ETV6: variants seen among roughly 807,000 people sequenced by gnomAD.
The protein encoded by ETV6 is ETS variant transcription factor 6.
ETV6 carries 16 observed loss-of-function variants against 51.1 expected under a neutral mutation model. The ratio of observed to expected loss-of-function variants is 0.31; its 90% CI spans 0.21 to 0.48. The LOEUF (loss-of-function observed/expected upper bound fraction) is 0.48. ETV6 is among the 20% of genes least tolerant of loss of function. ETV6 has a pLI of 0.99. For synonymous variants in ETV6, 240 were observed against 224.1 expected (o/e 1.07, Z -0.64); for missense variants, 458 against 594.8 (o/e 0.77, Z 2.39).
chr12:11,704,474 G>A (rs1257631005), intron 1 of ETV6, among the ~76,000 whole-genome samples: 1 of 152,062 alleles, frequency 6.6e-6, no homozygotes, highest in African/African-American at 2.4e-5. Flanking sequence ...AGCCTCCCGA[G>A]CAGCTGGGAT....
intron 1 of ETV6, among the ~76,000 whole-genome samples, chr12:11,689,020 G>A (rs1187348070): frequency 6.6e-6 from 1 of 151,820 alleles, no homozygotes; most frequent in East Asian, 1.9e-4. Flanking sequence ...GCTACTTACT[G>A]CATCTATAAC....
chr12:11,841,699 C>T (rs10845412), intron 3 of ETV6, among the ~76,000 whole-genome samples: 1 of 152,172 alleles, frequency 6.6e-6, no homozygotes, highest in South Asian at 2.1e-4. Flanking sequence ...TTCTAGCTGG[C>T]TTGTCGAACA....
intron 1 of ETV6, among the ~76,000 whole-genome samples, chr12:11,739,121 T>C (rs2121011075): frequency 6.6e-6 from 1 of 152,256 alleles, no homozygotes; most frequent in South Asian, 2.1e-4. Context: ...GAGCCTAAAC[T>C]CCACTGTCTT....
At chr12:11,745,786 C>T (rs960504005) in intron 1 of ETV6, among the ~76,000 whole-genome samples, 4 of 152,128 alleles carry the variant, frequency 2.6e-5, no homozygotes, top group African/African-American at 9.7e-5. Context: ...AAATGTCTTC[C>T]GTTGTTGTTA....
chr12:11,858,622 G>A (rs1476533703), intron 4 of ETV6, among the ~76,000 whole-genome samples: 1 of 152,132 alleles, frequency 6.6e-6, no homozygotes, highest in East Asian at 1.9e-4. Flanking sequence ...CACCCCCTTG[G>A]AGCTTGATAA....
intron 5 of ETV6, among the ~76,000 whole-genome samples, chr12:11,875,454 A>G (rs191343310): frequency 4.6e-5 from 7 of 152,354 alleles, no homozygotes; most frequent in Non-Finnish European, 4.4e-5. Context: ...GCATCTGTCA[A>G]TCTTCTAAAA....
In ETV6 at chr12:11,846,042, C is replaced by G. The variant is rs116237801; in HGVS notation, c.328+6738C>G. Among the ~76,000 whole-genome samples the G allele has an allele frequency of 3.2e-3, 478 of 151,174 alleles. 2 individuals carry two copies. Among genetic ancestry groups the G allele is most frequent in the African/African-American group, 0.011 (452 of 41,230 alleles). The stretch of plus-strand genomic sequence containing the variant: ...CTAGGACCAAGCAGAGTTAGAAAAC[C>G]AAGCAGTCCCATTACAGGAATGGGC... On this transcript the variant is annotated intron_variant, in intron 3 of 7. Coordinates refer to ENST00000396373, the MANE Select transcript of ETV6 (RefSeq NM_001987.5).
intron 1 of ETV6, among the ~76,000 whole-genome samples, chr12:11,663,834 T>C (rs1025253153): frequency 6.6e-6 from 1 of 152,196 alleles, no homozygotes; most frequent in African/African-American, 2.4e-5. Flanking sequence ...AAGTGTTGTT[T>C]ACGTGCTTCT....
At chr12:11,739,102 A>G (rs1865762771) in intron 1 of ETV6, among the ~76,000 whole-genome samples, 1 of 152,060 alleles carries the variant, frequency 6.6e-6, no homozygotes, top group South Asian at 2.1e-4. Flanking sequence ...GAGAAGACTT[A>G]ATTTGATGGA....
At chr12:11,736,286 G>A (rs1436656833) in intron 1 of ETV6, among the ~76,000 whole-genome samples, 2 of 152,160 alleles carry the variant, frequency 1.3e-5, no homozygotes, top group African/African-American at 4.8e-5. Context: ...TTGGAGCAGG[G>A]CAGTCTTAAA....
intron 1 of ETV6, among the ~76,000 whole-genome samples, chr12:11,693,200 G>A (rs1251570190): frequency 2.0e-5 from 3 of 152,168 alleles, no homozygotes; most frequent in African/African-American, 7.2e-5. Context: ...GAAGGCACAT[G>A]GGGCGGACGA....
intron 2 of ETV6, among the ~76,000 whole-genome samples, chr12:11,794,698 A>T (rs1195317514): frequency 6.6e-6 from 1 of 152,198 alleles, no homozygotes; most frequent in African/African-American, 2.4e-5. Flanking sequence ...TAAACCAGTC[A>T]TTTCAGATTT....
rs1274778570 is a variant in ETV6, at chr12:11,869,931, C to T, written c.971C>T (p.Pro324Leu). Residue 324 changes from proline (P) to leucine (L), a missense_variant, in exon 5 of 8, where the codon CCG becomes CTG. Physicochemically the swap from Pro to Leu is moderately conservative, Grantham distance 98. This residue lies in a region of ETV6 where 293 missense variants were observed against 315.7 expected (regional missense o/e 0.93). Coordinates refer to ENST00000396373, the MANE Select transcript of ETV6 (RefSeq NM_001987.5). The surrounding 1 kb of genome is among the most constrained non-coding windows in gnomAD (Gnocchi z 5.0). Reference sequence around the variant, plus strand: ...AACCACATCATGGTCTCTGTCTCCCCGCCTGAAGAGCACGCCATGCCCATT... The same window carrying T: ...AACCACATCATGGTCTCTGTCTCCCTGCCTGAAGAGCACGCCATGCCCATT... ...YMNHIMVSVS[P>L]PEEHAMPIGR... is the part of the protein sequence containing the mutation. 7 of 1,610,084 alleles carry T rather than the reference C, an allele frequency of 4.3e-6. No individual in the cohort carries two copies. Among genetic ancestry groups the T allele is most frequent in the Admixed American group, 3.3e-5 (2 of 59,998 alleles).
At position 11,891,355 on chromosome 12, in the gene ETV6, G is replaced by GTGTTTT. The variant is rs886645133; in HGVS notation, c.*328_*333dup. The GTGTTTT allele has an allele frequency of 1.1e-4, 40 of 357,586 alleles. No homozygotes were observed. Among genetic ancestry groups the GTGTTTT allele is most frequent in the African/African-American group, 2.9e-4 (14 of 47,982 alleles). 22.2% of individuals were successfully genotyped at this position (357,586 alleles called of 1,614,324 possible). On this transcript the variant is annotated 3_prime_UTR_variant, in exon 8 of 8. Coordinates refer to ENST00000396373, the MANE Select transcript of ETV6 (RefSeq NM_001987.5). ...CCCTTCCACCGTTGTTAGTATCATG[G>GTGTTTT]TGTTTTTGTTTTTGTTTTTGTTTTA... is the stretch of plus-strand genomic sequence containing the variant.
intron 3 of ETV6, among the ~76,000 whole-genome samples, chr12:11,849,391 T>C (rs1468502086): frequency 6.6e-6 from 1 of 152,124 alleles, no homozygotes; most frequent in East Asian, 1.9e-4. Flanking sequence ...GGATTATAGG[T>C]GTGACGCACA....
chr12:11,720,309 G>A (rs1396311976), intron 1 of ETV6, among the ~76,000 whole-genome samples: 1 of 152,200 alleles, frequency 6.6e-6, no homozygotes, highest in Non-Finnish European at 1.5e-5. Flanking sequence ...AGACTGAGTT[G>A]TATGGTTAAA....
intron 2 of ETV6, among the ~76,000 whole-genome samples, chr12:11,813,450 T>G (rs1945944429): frequency 6.6e-6 from 1 of 152,230 alleles, no homozygotes; most frequent in Non-Finnish European, 1.5e-5. Context: ...GGACCCCAGA[T>G]GCTGAGGAAG....
intron 1 of ETV6, among the ~76,000 whole-genome samples, chr12:11,743,592 C>G (rs767805079): frequency 6.6e-6 from 1 of 152,204 alleles, no homozygotes; most frequent in Non-Finnish European, 1.5e-5. Context: ...GTTCTCCACA[C>G]TCTCCTCATT....
At chr12:11,663,250 A>G (rs1048334892) in intron 1 of ETV6, among the ~76,000 whole-genome samples, 2 of 141,750 alleles carry the variant, frequency 1.4e-5, no homozygotes, top group Non-Finnish European at 3.1e-5. Context: ...ACAGCTACCA[A>G]AGGCTCAAGC....
Sources: gnomAD v4.1 joint callset for allele counts (sites outside exome capture counted in the v4.1 genomes callset) on GRCh38, gnomAD v4.1.1 for gene constraint, gnomAD v4.1.1 regional missense constraint, Gnocchi (gnomAD v3.1) non-coding constraint, MANE v1.5 for transcripts, NCBI Gene and HGNC (gene_info 2026-07-23, HGNC 2026-07-21) for gene names.